Variants in PTDSS1 observed in about 807,000 individuals in gnomAD.
PTDSS1 encodes phosphatidylserine synthase 1, also known as PSS-1.
A neutral mutation model predicts 70.5 loss-of-function variants in PTDSS1; 45 were observed. The ratio of observed to expected loss-of-function variants is 0.64; its 90% CI spans 0.50 to 0.82. PTDSS1 has a LOEUF of 0.82. Among genes scored for constraint, PTDSS1 ranks in the 40% least tolerant of loss-of-function variants. The probability of loss-of-function intolerance (pLI) is 0.00; values close to 1 mark genes in which losing one functional copy is unlikely to be tolerated. For synonymous variants in PTDSS1, 188 were observed against 203.8 expected (o/e 0.92, Z 0.66); for missense variants, 417 against 586.1 (o/e 0.71, Z 2.98).
At chr8:96,332,157 C>G (rs780930626) in intron 12 of PTDSS1, among the ~76,000 whole-genome samples, 3 of 151,900 alleles carry the variant, frequency 2.0e-5, no homozygotes, top group Non-Finnish European at 4.4e-5. Flanking sequence ...GTTAGGGAAC[C>G]TCCACTGGCC....
intron 3 of PTDSS1, among the ~76,000 whole-genome samples, chr8:96,286,358 A>T (rs1810822615): frequency 1.3e-5 from 2 of 152,178 alleles, no homozygotes; most frequent in African/African-American, 4.8e-5. Context: ...ACACATAGTG[A>T]TTATTAGGAT....
rs534383197 is a variant in PTDSS1, at chr8:96,326,908, G to T, written c.1174-3305G>T. On this transcript the variant is annotated intron_variant, in intron 10 of 12. Transcript: ENST00000517309. ...GGGCTGGATCTGAGAGTTGTTTAAG[G>T]AATGTGCTCAACAGGATGCCATTCC... Among the ~76,000 whole-genome samples the T allele has an allele frequency of 7.9e-5, 12 of 152,306 alleles. No homozygotes were observed. The South Asian group carries it at 2.5e-3, about 32-fold the overall frequency.
intron 5 of PTDSS1, among the ~76,000 whole-genome samples, chr8:96,296,881 C>T (rs1810983454): frequency 1.3e-5 from 2 of 152,204 alleles, no homozygotes; most frequent in Non-Finnish European, 2.9e-5. Context: ...TTGTGTCAGG[C>T]ACCTGGCCCT....
chr8:96,303,942 TA>T, intron 6 of PTDSS1, 97 bp from the exon 7 acceptor site: 1 of 1,288,712 alleles, frequency 7.8e-7, no homozygotes, highest in Non-Finnish European at 1.1e-6. Context: ...CCTGAGCATT[TA>T]TTATAAAAAT....
intron 1 of PTDSS1, among the ~76,000 whole-genome samples, chr8:96,269,759 G>A (rs1301506316): frequency 6.6e-6 from 1 of 152,190 alleles, no homozygotes; most frequent in South Asian, 2.1e-4. Flanking sequence ...GCTATACTAA[G>A]ATAATGTCTC....
intron 2 of PTDSS1, among the ~76,000 whole-genome samples, chr8:96,280,222 T>G (rs1810715516): frequency 6.6e-6 from 1 of 152,144 alleles, no homozygotes; most frequent in Non-Finnish European, 1.5e-5. Flanking sequence ...AATATAAGAT[T>G]GAAAATGATG....
At chr8:96,282,351 G>C (rs1810750902) in intron 2 of PTDSS1, among the ~76,000 whole-genome samples, 1 of 152,152 alleles carries the variant, frequency 6.6e-6, no homozygotes, top group Non-Finnish European at 1.5e-5. Context: ...GGGGGATCCT[G>C]GTTTATAACC....
intron 2 of PTDSS1, among the ~76,000 whole-genome samples, chr8:96,281,582 G>A (rs185535764): frequency 1.1e-4 from 16 of 152,170 alleles, no homozygotes; most frequent in Non-Finnish European, 1.9e-4. Flanking sequence ...CCACATTATG[G>A]TAAAGCCTGC....
intron 12 of PTDSS1, among the ~76,000 whole-genome samples, chr8:96,333,169 C>T (rs1457583255): frequency 6.6e-6 from 1 of 152,170 alleles, no homozygotes; most frequent in Non-Finnish European, 1.5e-5. Flanking sequence ...CACTTCTGGT[C>T]CTCACCATCA....
rs1810427720 is a variant in PTDSS1, at chr8:96,262,732, C to T, written c.179+513C>T. ...TGGAACTCCGGTATTCGGCACTATC[C>T]GTAACGCACAAAAAATGCACATGTG... On this transcript the variant is annotated intron_variant, in intron 1 of 12. Transcript: ENST00000517309. The surrounding 1 kb of genome is among the most constrained non-coding windows in gnomAD (Gnocchi z 4.4). 6.6e-6 allele frequency among the ~76,000 whole-genome samples: 1 copy of T among 152,188 alleles called. No homozygotes were observed. The highest frequency in any genetic ancestry group is 1.5e-5 in the Non-Finnish European group (1 of 68,044).
At chr8:96,297,604 G>T (rs1420217840) in intron 5 of PTDSS1, among the ~76,000 whole-genome samples, 1 of 152,128 alleles carries the variant, frequency 6.6e-6, no homozygotes, top group African/African-American at 2.4e-5. Context: ...AGCCGCCTCT[G>T]CTGTCTTCCC....
intron 5 of PTDSS1, among the ~76,000 whole-genome samples, chr8:96,296,123 C>T (rs1810971184): frequency 7.2e-6 from 1 of 139,554 alleles, no homozygotes; most frequent in South Asian, 2.4e-4. Context: ...TCTGAGCCTT[C>T]ATGGTGTTCT....
At chr8:96,320,729 A>G (rs945894191) in intron 10 of PTDSS1, among the ~76,000 whole-genome samples, 4 of 152,214 alleles carry the variant, frequency 2.6e-5, no homozygotes. Context: ...ATCATTGCAC[A>G]TGGATTTATA....
chr8:96,307,199 A>T (rs933630751), intron 8 of PTDSS1, among the ~76,000 whole-genome samples: 5 of 152,158 alleles, frequency 3.3e-5, no homozygotes, highest in Non-Finnish European at 7.3e-5. Context: ...ATGGCATTTG[A>T]GTTTTATAAC....
At chr8:96,317,953 T>C (rs866677746) in intron 9 of PTDSS1, among the ~76,000 whole-genome samples, 2 of 149,670 alleles carry the variant, frequency 1.3e-5, no homozygotes, top group Non-Finnish European at 3.0e-5. Flanking sequence ...ACAGTGAAAA[T>C]TGTGTTTCTT....
chr8:96,303,952 A>G (rs1422072361), intron 6 of PTDSS1, 88 bp from the exon 7 acceptor site: 2 of 1,352,584 alleles, frequency 1.5e-6, no homozygotes, highest in Admixed American at 2.4e-5. Flanking sequence ...TATTATAAAA[A>G]TCATCAGTGC....
intron 2 of PTDSS1, among the ~76,000 whole-genome samples, chr8:96,277,946 A>G (rs1361641600): frequency 2.6e-5 from 4 of 152,224 alleles, no homozygotes; most frequent in Non-Finnish European, 5.9e-5. Flanking sequence ...ACGTAACAAG[A>G]CGTTCTGAGA....
intron 1 of PTDSS1, among the ~76,000 whole-genome samples, chr8:96,266,259 G>A (rs769665078): frequency 1.6e-4 from 25 of 152,212 alleles, no homozygotes; most frequent in Non-Finnish European, 3.2e-4. Flanking sequence ...TACTTACCTA[G>A]AAGACGTTGC....
At chr8:96,296,629 A>T (rs1350561540) in intron 5 of PTDSS1, among the ~76,000 whole-genome samples, 3 of 152,240 alleles carry the variant, frequency 2.0e-5, no homozygotes, top group African/African-American at 7.2e-5. Context: ...TTGAGAGGAC[A>T]CAATTCAACC....
Sources: gnomAD v4.1 joint callset for allele counts (sites outside exome capture counted in the v4.1 genomes callset) on GRCh38, gnomAD v4.1.1 for gene constraint, Gnocchi (gnomAD v3.1) non-coding constraint, MANE v1.5 for transcripts, NCBI Gene and HGNC (gene_info 2026-07-23, HGNC 2026-07-21) for gene names.